Variants in TRANK1 observed in about 807,000 individuals in gnomAD.
The protein encoded by TRANK1 is TPR and ankyrin repeat-containing protein 1.
Under a neutral mutation model 266.0 loss-of-function variants are expected in TRANK1, and 198 were observed. That is an observed-to-expected ratio of 0.74 (90% CI 0.66 to 0.84). TRANK1 has a LOEUF of 0.84. TRANK1 is among the 40% of genes least tolerant of loss of function. The probability of loss-of-function intolerance (pLI) is 0.00; values close to 1 mark genes in which losing one functional copy is unlikely to be tolerated. For synonymous variants in TRANK1, 1,396 were observed against 1,384.1 expected (o/e 1.01, Z -0.19); for missense variants, 3,326 against 3,634.6 (o/e 0.92, Z 2.18).
chr3:36,931,508 C>T (rs1262852832), intron 1 of TRANK1, among the ~76,000 whole-genome samples: 1 of 150,832 alleles, frequency 6.6e-6, no homozygotes, highest in Non-Finnish European at 1.5e-5. Context: ...AGTTCCAGAC[C>T]AGCCTGGGCA....
chr3:36,855,329 C>A lies in TRANK1; in HGVS notation c.4393G>T (p.Asp1465Tyr). Residue 1465 changes from aspartate to tyrosine, a missense_variant, in exon 13 of 24, where the codon GAC (aspartate) becomes TAC (tyrosine). Transcript: ENST00000645898. ...NDPNSMFLTG[D>Y]TAQSIMKGVA... ...CCCTTCATGATGCTCTGGGCCGTGT[C>A]CCCCGTGAGGAACATAGAGTTGGGG... 1.2e-6 allele frequency: 2 copies of A among 1,614,026 alleles called. No individual in the cohort carries two copies. The highest frequency in any genetic ancestry group is 2.2e-5 in the South Asian group (2 of 91,082).
Position 36,864,339 on chromosome 3 carries a change from C to T in TRANK1, c.1220G>A (p.Arg407His), listed in dbSNP as rs958927154. The change falls in exon 10 of 24, where the codon CGT becomes CAT. Residue 407 changes from arginine (R) to histidine (H), a missense_variant. Coordinates refer to ENST00000645898, the MANE Select transcript of TRANK1 (RefSeq NM_001329998.2). ...LKQEVVQRFL[R>H]LLSTLQEIPP... ...ATTACCTTGCAGAGTAGAAAGGAGA[C>T]GCAAGAACCTCTGAACTACTTCCTG... The T allele has an allele frequency of 1.0e-5, 16 of 1,533,058 alleles. No homozygotes were observed. Among genetic ancestry groups the T allele is most frequent in the South Asian group, 2.4e-5 (2 of 83,176 alleles). The allele number at this position is 1,533,058 out of a possible 1,614,324, so 95.0% of individuals were successfully genotyped here.
At chr3:36,944,488 A>G (rs942248711) in intron 1 of TRANK1, among the ~76,000 whole-genome samples, 2 of 152,124 alleles carry the variant, frequency 1.3e-5, no homozygotes, top group Non-Finnish European at 2.9e-5. Context: ...TGGGCCCGAG[A>G]GCTGCGGCTT....
Position 36,832,824 on chromosome 3 carries a change from A to G in TRANK1, c.6759T>C (p.Ile2253=). 6.2e-7 allele frequency: 1 copy of G among 1,613,894 alleles called. No individual in the cohort carries two copies. Among genetic ancestry groups the G allele is most frequent in the South Asian group, 1.1e-5 (1 of 91,082 alleles). ...ACATATCTGTAGACAAAATATAATC[A>G]ATTTCTTTAAGTTCTTCTGCTAAGA... ...PKILAEELKE[I]DYILSTDMYG... The change falls in exon 22 of 24, where the codon ATT becomes ATC. Residue 2253 remains isoleucine (I), a synonymous_variant. Coordinates refer to ENST00000645898, the MANE Select transcript of TRANK1 (RefSeq NM_001329998.2).
intron 13 of TRANK1, among the ~76,000 whole-genome samples, chr3:36,853,183 A>G (rs1015882388): frequency 6.6e-5 from 10 of 152,200 alleles, no homozygotes; most frequent in African/African-American, 2.4e-4. Context: ...CCTCACAACA[A>G]TGCAGTGAGA....
intron 15 of TRANK1, among the ~76,000 whole-genome samples, chr3:36,848,018 A>G (rs896334800): frequency 6.6e-6 from 1 of 152,226 alleles, no homozygotes; most frequent in South Asian, 2.1e-4. Flanking sequence ...CCCAAAAGCC[A>G]AAACCAAAGT....
At chr3:36,913,390 TTTGCTTGCTTGC>T (rs5847942) in intron 1 of TRANK1, among the ~76,000 whole-genome samples, 5 of 151,514 alleles carry the variant, frequency 3.3e-5, no homozygotes, top group African/African-American at 1.2e-4. Context: ...TTCTTGCCTG[TTTGCTTGCTTGC>T]TTGCTTGCTT....
chr3:36,878,775 C>CAA (rs202216198), intron 8 of TRANK1, among the ~76,000 whole-genome samples: 1 of 121,750 alleles, frequency 8.2e-6, no homozygotes, highest in Non-Finnish European at 1.7e-5. Flanking sequence ...AATGAAAGTT[C>CAA]AAAAAAAAAA....
intron 7 of TRANK1, among the ~76,000 whole-genome samples, chr3:36,891,874 A>C (rs1208606821): frequency 6.6e-6 from 1 of 152,058 alleles, no homozygotes; most frequent in Non-Finnish European, 1.5e-5. Context: ...GGAAGGAGGA[A>C]ACTCTGCAGG....
chr3:36,850,273 T>C (rs2078969176), intron 15 of TRANK1: 4 of 985,282 alleles, frequency 4.1e-6, no homozygotes, highest in Admixed American at 6.1e-5. Flanking sequence ...TCTGATTTTA[T>C]TAGCAAAATT....
At chr3:36,943,494 C>T (rs1012767985) in intron 1 of TRANK1, among the ~76,000 whole-genome samples, 3 of 144,966 alleles carry the variant, frequency 2.1e-5, no homozygotes, top group Admixed American at 7.0e-5. Context: ...CCCCACCCCC[C>T]GCAGAGGATG....
At chr3:36,892,152 A>T in intron 7 of TRANK1, 50 bp downstream of exon 7, 1 of 1,523,648 alleles carries the variant, frequency 6.6e-7, no homozygotes, top group African/African-American at 1.4e-5. Context: ...GAGTTCCAGA[A>T]CTAGGCTAGA....
intron 5 of TRANK1, among the ~76,000 whole-genome samples, chr3:36,894,679 C>T (rs1008464958): frequency 2.6e-5 from 4 of 152,294 alleles, no homozygotes; most frequent in African/African-American, 9.6e-5. Flanking sequence ...AGATTTCATT[C>T]GATTTCCAAC....
intron 17 of TRANK1, among the ~76,000 whole-genome samples, chr3:36,845,153 T>G: frequency 6.6e-6 from 1 of 152,278 alleles, no homozygotes; most frequent in East Asian, 1.9e-4. Context: ...AATCCTAGCA[T>G]GAGAGGTAAT....
Position 36,833,479 on chromosome 3 carries a change from A to C in TRANK1, c.6104T>G (p.Leu2035Arg). 1 of 1,613,940 alleles carries C rather than the reference A, an allele frequency of 6.2e-7. No homozygotes were observed. Among genetic ancestry groups the C allele is most frequent in the Non-Finnish European group, 8.5e-7 (1 of 1,179,832 alleles). ...AAAGTCTCTCAGGATTACCCCTTGCAGGAAGTGGGCCTCCGCAATGCCAGA... is the reference window on the plus strand; with the variant it reads ...AAAGTCTCTCAGGATTACCCCTTGCCGGAAGTGGGCCTCCGCAATGCCAGA... ...QLSGIAEAHF[L>R]QGVILRDFQK... is the part of the protein sequence containing the mutation. The change falls in exon 22 of 24, where the codon CTG (leucine) becomes CGG (arginine). Residue 2035 changes from leucine to arginine, a missense_variant. Physicochemically the swap from Leu to Arg is moderately radical, Grantham distance 102 (BLOSUM62 -2). Transcript: ENST00000645898.
At chr3:36,878,574 CA>C (rs2079424021) in intron 8 of TRANK1, among the ~76,000 whole-genome samples, 1 of 152,050 alleles carries the variant, frequency 6.6e-6, no homozygotes, top group Non-Finnish European at 1.5e-5. Context: ...AATACTTGGA[CA>C]CCAGGAGGGA....
intron 5 of TRANK1, among the ~76,000 whole-genome samples, chr3:36,895,116 G>C (rs1240983854): frequency 6.6e-6 from 1 of 152,172 alleles, no homozygotes; most frequent in Non-Finnish European, 1.5e-5. Context: ...TAGTAAGTGG[G>C]GGATTCTGAT....
At chr3:36,944,693 G>A (rs547967039) in intron 1 of TRANK1, 94 bp downstream of exon 1, 3 of 1,426,640 alleles carry the variant, frequency 2.1e-6, no homozygotes, top group East Asian at 2.9e-5. Flanking sequence ...CTACCTCAGG[G>A]TCGCCAGTCC....
chr3:36,896,665 A>T (rs930756213), intron 4 of TRANK1, among the ~76,000 whole-genome samples: 1 of 152,032 alleles, frequency 6.6e-6, no homozygotes, highest in African/African-American at 2.4e-5. Flanking sequence ...AATTCCCATA[A>T]CTCCGGCCTG....
Sources: allele counts gnomAD v4.1 joint callset (sites outside exome capture counted in the v4.1 genomes callset), GRCh38; gene constraint gnomAD v4.1.1; transcripts MANE v1.5; gene names NCBI Gene and HGNC (gene_info 2026-07-23, HGNC 2026-07-21).